NPFFR2: variants seen among roughly 807,000 people sequenced by gnomAD.
NPFFR2 encodes G-protein coupled receptor 74.
NPFFR2 carries 15 observed loss-of-function variants against 13.1 expected under a neutral mutation model. The observed-to-expected ratio is 1.15, with a 90% CI of 0.77 to 1.76. NPFFR2 has a LOEUF of 1.76. NPFFR2 is among the 40% of genes most tolerant of loss of function. The pLI is 0.00. For synonymous variants in NPFFR2, 190 were observed against 175.7 expected, an observed-to-expected ratio of 1.08 and a Z score of -0.65; for missense variants, 572 against 503.5, an observed-to-expected ratio of 1.14 and a Z score of -1.30.
At chr4:72,084,806 A>C (rs1220529377) in intron 1 of NPFFR2, among the ~76,000 whole-genome samples, 1 of 152,152 alleles carries the variant, frequency 6.6e-6, no homozygotes, top group African/African-American at 2.4e-5. Flanking sequence ...GCCACAGGTC[A>C]TGATTTCCAC....
intron 1 of NPFFR2, among the ~76,000 whole-genome samples, chr4:72,116,742 A>G (rs1193926731): frequency 6.6e-6 from 1 of 152,182 alleles, no homozygotes; most frequent in African/African-American, 2.4e-5. Flanking sequence ...CATTCGTTTG[A>G]TTAAATCTTT....
chr4:72,065,561 A>C (rs923171260), intron 1 of NPFFR2, among the ~76,000 whole-genome samples: 1 of 152,208 alleles, frequency 6.6e-6, no homozygotes, highest in Non-Finnish European at 1.5e-5. Flanking sequence ...AATTTATCCT[A>C]TTGTAAATTA....
chr4:72,117,993 AG>A (rs1382353929), intron 1 of NPFFR2, among the ~76,000 whole-genome samples: 10 of 152,304 alleles, frequency 6.6e-5, no homozygotes, highest in African/African-American at 2.2e-4. Flanking sequence ...TAAAGCCAAA[AG>A]GGAGGAAGAA....
chr4:72,062,260 C>T (rs1181294324), intron 1 of NPFFR2, among the ~76,000 whole-genome samples: 1 of 152,016 alleles, frequency 6.6e-6, no homozygotes, highest in Non-Finnish European at 1.5e-5. Context: ...TTATATTTTA[C>T]TTTTTCATGA....
Position 72,148,134 on chromosome 4 carries a change from T to G in NPFFR2, c.*322T>G. On this transcript the variant is annotated 3_prime_UTR_variant, in exon 4 of 4. Transcript: ENST00000308744. ...TCAAGCCTGCACGCGTGCGTGCATG[T>G]GTGTGTGTATTTTCCCCAAATGGTG... The G allele has an allele frequency of 9.8e-6, 2 of 204,388 alleles. 1 individual carries two copies. The highest frequency in any genetic ancestry group is 3.0e-4 in the South Asian group (2 of 6,558). 12.7% of individuals were successfully genotyped at this position (204,388 alleles called of 1,614,324 possible).
chr4:72,105,290 G>T (rs1021711459), intron 1 of NPFFR2, among the ~76,000 whole-genome samples: 2 of 151,796 alleles, frequency 1.3e-5, no homozygotes, highest in Non-Finnish European at 2.9e-5. Flanking sequence ...TATGGTGCCA[G>T]AAAGAATATC....
At chr4:72,063,751 G>C (rs933223671) in intron 1 of NPFFR2, among the ~76,000 whole-genome samples, 2 of 152,154 alleles carry the variant, frequency 1.3e-5, no homozygotes, top group African/African-American at 4.8e-5. Context: ...TCAAAAGAGG[G>C]GCTTCAAGAT....
chr4:72,101,225 C>T (rs564669153), intron 1 of NPFFR2, among the ~76,000 whole-genome samples: 1 of 152,014 alleles, frequency 6.6e-6, no homozygotes, highest in Admixed American at 6.6e-5. Flanking sequence ...AATTCACATG[C>T]CATACAATTC....
chr4:72,138,631 G>A (rs933163952), intron 3 of NPFFR2, among the ~76,000 whole-genome samples: 7 of 152,236 alleles, frequency 4.6e-5, no homozygotes, highest in East Asian at 1.9e-4. Flanking sequence ...TGGTGTATAT[G>A]TGCCACAATT....
chr4:72,064,003 T>TA (rs1033972546), intron 1 of NPFFR2, among the ~76,000 whole-genome samples: 52 of 151,964 alleles, frequency 3.4e-4, no homozygotes, highest in Admixed American at 6.5e-4. Context: ...ATGACAGTAA[T>TA]AAAAAGGAAC....
At chr4:72,094,046 C>G (rs1261203892) in intron 1 of NPFFR2, among the ~76,000 whole-genome samples, 1 of 142,714 alleles carries the variant, frequency 7.0e-6, no homozygotes, top group East Asian at 2.1e-4. Flanking sequence ...GGTGCTCTCC[C>G]CCTTTCCCTA....
intron 1 of NPFFR2, among the ~76,000 whole-genome samples, chr4:72,051,130 T>C (rs917016352): frequency 9.9e-5 from 15 of 151,852 alleles, no homozygotes; most frequent in African/African-American, 3.1e-4. Flanking sequence ...ATATACCCAG[T>C]AATGGGATGG....
At position 72,069,087 on chromosome 4, in the gene NPFFR2, T is replaced by A. The variant is rs1278780578; in HGVS notation, c.-8+36887T>A. 5.8e-6 allele frequency: 3 copies of A among 521,026 alleles called. No homozygotes were observed. In the Admixed American group the frequency reaches 1.2e-4, roughly 21 times the overall value. The allele number at this position is 521,026 out of a possible 1,614,324, so 32.3% of individuals were successfully genotyped here. ...GATAATACCAACACTACTTAAGCTATTCTGATGAGGAAAAGATAAGAATAG... is the reference window on the plus strand; with the variant it reads ...GATAATACCAACACTACTTAAGCTAATCTGATGAGGAAAAGATAAGAATAG... On this transcript the variant is annotated intron_variant, in intron 1 of 3. Transcript: ENST00000308744.
chr4:72,076,512 A>G (rs1470442578), intron 1 of NPFFR2, among the ~76,000 whole-genome samples: 1 of 152,312 alleles, frequency 6.6e-6, no homozygotes, highest in South Asian at 2.1e-4. Flanking sequence ...CAAGAAAGAC[A>G]TCATGATTTG....
chr4:72,059,941 C>G (rs941727370), intron 1 of NPFFR2, among the ~76,000 whole-genome samples: 1 of 152,096 alleles, frequency 6.6e-6, no homozygotes, highest in Admixed American at 6.6e-5. Flanking sequence ...TTTTTCCCCC[C>G]AGATAATTAT....
intron 1 of NPFFR2, among the ~76,000 whole-genome samples, chr4:72,099,611 C>T (rs1420137809): frequency 6.6e-6 from 1 of 151,974 alleles, no homozygotes; most frequent in Non-Finnish European, 1.5e-5. Context: ...TTTTGAACAG[C>T]TCGATCTCAT....
At chr4:72,105,524 A>G (rs1721393866) in intron 1 of NPFFR2, among the ~76,000 whole-genome samples, 1 of 152,018 alleles carries the variant, frequency 6.6e-6, no homozygotes, top group Admixed American at 6.6e-5. Context: ...TATTCTAGAG[A>G]GTACTAATAA....
At chr4:72,145,460 A>T (rs1722746372) in intron 3 of NPFFR2, among the ~76,000 whole-genome samples, 1 of 152,108 alleles carries the variant, frequency 6.6e-6, no homozygotes, top group East Asian at 1.9e-4. Context: ...GTACTTATAT[A>T]TTTGTTTAAT....
intron 1 of NPFFR2, among the ~76,000 whole-genome samples, chr4:72,094,747 C>G (rs1375206634): frequency 6.6e-6 from 1 of 152,170 alleles, no homozygotes; most frequent in Non-Finnish European, 1.5e-5. Context: ...AGCCTCCTAG[C>G]TGAGAAAGAA....
Sources: allele counts gnomAD v4.1 joint callset (sites outside exome capture counted in the v4.1 genomes callset), GRCh38; gene constraint gnomAD v4.1.1; transcripts MANE v1.5; gene names NCBI Gene and HGNC (gene_info 2026-07-23, HGNC 2026-07-21).